AKAP19: variants seen among roughly 807,000 people sequenced by gnomAD.
AKAP19 encodes small A-kinase anchoring protein.
At chr2:189,897,961 C>A in the AKAP19 span, among the ~76,000 whole-genome samples, 3 of 152,206 alleles carry the variant, frequency 2.0e-5, no homozygotes, top group East Asian at 5.8e-4. Flanking sequence ...GTAGTCCCAG[C>A]ACTTTGGGAG....
the AKAP19 span, among the ~76,000 whole-genome samples, chr2:190,147,871 C>T: frequency 4.6e-5 from 7 of 152,114 alleles, no homozygotes; most frequent in African/African-American, 1.7e-4. Flanking sequence ...TATCTGGAAA[C>T]TTTGCTGAAT....
chr2:189,900,978 A>T, the AKAP19 span, among the ~76,000 whole-genome samples: 1 of 152,134 alleles, frequency 6.6e-6, no homozygotes, highest in African/African-American at 2.4e-5. Context: ...TGGTCTGGTG[A>T]TAAGTCAGCT....
the AKAP19 span, among the ~76,000 whole-genome samples, chr2:190,177,326 G>A: frequency 1.3e-5 from 2 of 152,088 alleles, no homozygotes; most frequent in Admixed American, 6.5e-5. The surrounding 1 kb of genome is among the most constrained non-coding windows in gnomAD (Gnocchi z 4.6). Context: ...TCTCTCTAGC[G>A]TACGTGAATT....
chr2:190,100,104 C>T, the AKAP19 span, among the ~76,000 whole-genome samples: 1 of 152,136 alleles, frequency 6.6e-6, no homozygotes, highest in Admixed American at 6.5e-5. Flanking sequence ...GCTAAAACAG[C>T]TATTTAGATA....
At chr2:189,884,579 G>C in the AKAP19 span, among the ~76,000 whole-genome samples, 23 of 152,060 alleles carry the variant, frequency 1.5e-4, no homozygotes, top group African/African-American at 4.8e-4. Flanking sequence ...AATTGTCAAA[G>C]ACTTTATTGA....
the AKAP19 span, among the ~76,000 whole-genome samples, chr2:189,933,439 T>G: frequency 6.6e-6 from 1 of 152,220 alleles, no homozygotes; most frequent in African/African-American, 2.4e-5. Context: ...TTCAATTCTT[T>G]TAGATGATTT....
At chr2:189,958,490 T>C in the AKAP19 span, among the ~76,000 whole-genome samples, 24 of 147,442 alleles carry the variant, frequency 1.6e-4, no homozygotes, top group African/African-American at 6.0e-4. Context: ...TTTAATTAAG[T>C]AATATTTAAT....
the AKAP19 span, among the ~76,000 whole-genome samples, chr2:190,045,541 T>C: frequency 6.6e-6 from 1 of 151,988 alleles, no homozygotes; most frequent in Non-Finnish European, 1.5e-5. Context: ...TGTTGGGGGA[T>C]CCCTTTCCCC....
the AKAP19 span, among the ~76,000 whole-genome samples, chr2:189,898,184 C>T: frequency 1.3e-5 from 2 of 151,318 alleles, no homozygotes; most frequent in East Asian, 1.9e-4. Context: ...AGAACAAGAC[C>T]CTGTCTCCAA....
At chr2:190,024,981 A>G in the AKAP19 span, among the ~76,000 whole-genome samples, 14 of 152,312 alleles carry the variant, frequency 9.2e-5, no homozygotes, top group East Asian at 1.7e-3. Flanking sequence ...AGCATTTTCA[A>G]TCTCAATTCT....
the AKAP19 span, chr2:189,917,867 TTTTA>T: frequency 6.6e-6 from 1 of 152,292 alleles, no homozygotes; most frequent in Non-Finnish European, 1.5e-5. Context: ...TTCTGCTGTT[TTTTA>T]TTTATCTGTT....
At chr2:190,151,042 T>C in the AKAP19 span, among the ~76,000 whole-genome samples, 14 of 152,274 alleles carry the variant, frequency 9.2e-5, no homozygotes, top group East Asian at 2.1e-3. Context: ...ATTCACTATT[T>C]CTAGAAGTTT....
the AKAP19 span, among the ~76,000 whole-genome samples, chr2:189,965,733 C>T: frequency 6.6e-6 from 1 of 152,046 alleles, no homozygotes; most frequent in Non-Finnish European, 1.5e-5. Flanking sequence ...CTATGGAAAA[C>T]AGTGTGGAGA....
chr2:190,088,784 T>C, the AKAP19 span, among the ~76,000 whole-genome samples: 1 of 152,150 alleles, frequency 6.6e-6, no homozygotes, highest in Non-Finnish European at 1.5e-5. Context: ...AACAGAAAAC[T>C]CCACTGATGG....
At chr2:190,195,941 C>CTTTTTTTTTTTTTTTTTTTTTTTT in the AKAP19 span, among the ~76,000 whole-genome samples, 2 of 86,210 alleles carry the variant, frequency 2.3e-5, no homozygotes, top group Non-Finnish European at 4.6e-5. Flanking sequence ...CTGTGTCCAG[C>CTTTTTTTTTTTTTTTTTTTTTTTT]TTTTTTTTTT....
chr2:189,917,911 T>G, the AKAP19 span, among the ~76,000 whole-genome samples: 2 of 152,074 alleles, frequency 1.3e-5, no homozygotes, highest in East Asian at 1.9e-4. Flanking sequence ...ATGGGTCATG[T>G]CAAAATTTTT....
the AKAP19 span, among the ~76,000 whole-genome samples, chr2:190,012,248 C>T: frequency 6.6e-6 from 1 of 152,140 alleles, no homozygotes; most frequent in Non-Finnish European, 1.5e-5. Flanking sequence ...CATCAGCCTC[C>T]CAAGTAGCTG....
At chr2:189,961,234 A>G in the AKAP19 span, among the ~76,000 whole-genome samples, 1 of 152,152 alleles carries the variant, frequency 6.6e-6, no homozygotes, top group Non-Finnish European at 1.5e-5. Context: ...ATACCCCAAT[A>G]TAGAATCAGA....
chr2:190,167,940 G>A, the AKAP19 span, among the ~76,000 whole-genome samples: 2 of 152,128 alleles, frequency 1.3e-5, no homozygotes, highest in Non-Finnish European at 2.9e-5. Flanking sequence ...GAGGATGGTG[G>A]CCCTCTTCTC....
Sources: allele counts gnomAD v4.1 joint callset (sites outside exome capture counted in the v4.1 genomes callset), GRCh38; gene constraint gnomAD v4.1.1; non-coding constraint Gnocchi (gnomAD v3.1); transcripts MANE v1.5; gene names NCBI Gene and HGNC (gene_info 2026-07-23, HGNC 2026-07-21).